Variants in CNTNAP2 observed in about 807,000 individuals in gnomAD.
CNTNAP2 encodes contactin associated protein 2.
A neutral mutation model predicts 155.2 loss-of-function variants in CNTNAP2; 98 were observed. The observed-to-expected ratio is 0.63, with a 90% CI of 0.54 to 0.75. The LOEUF is 0.75. CNTNAP2 is among the 30% of genes least tolerant of loss of function. The pLI, the probability that CNTNAP2 is intolerant of heterozygous loss-of-function variation, is 0.00. For synonymous variants in CNTNAP2, 651 were observed against 631.2 expected (o/e 1.03, Z -0.47); for missense variants, 1,727 against 1,688.1 (o/e 1.02, Z -0.40).
intron 1 of CNTNAP2, among the ~76,000 whole-genome samples, chr7:146,396,032 C>A (rs917318882): frequency 6.6e-6 from 1 of 152,080 alleles, no homozygotes; most frequent in Non-Finnish European, 1.5e-5. Flanking sequence ...GTTCTTGGCA[C>A]AGCATAAATG....
intron 13 of CNTNAP2, among the ~76,000 whole-genome samples, chr7:147,850,991 C>T (rs1415700921): frequency 1.3e-5 from 2 of 152,176 alleles, no homozygotes; most frequent in Admixed American, 6.5e-5. Context: ...AGGCAACCTA[C>T]AGAATGGGAA....
intron 1 of CNTNAP2, among the ~76,000 whole-genome samples, chr7:146,400,227 G>A (rs537515466): frequency 2.0e-5 from 3 of 151,360 alleles, no homozygotes; most frequent in African/African-American, 2.4e-5. Flanking sequence ...GTAAAATCCC[G>A]AATTTGTGCA....
chr7:148,209,663 C>T (rs1795509774), intron 18 of CNTNAP2, among the ~76,000 whole-genome samples: 1 of 152,174 alleles, frequency 6.6e-6, no homozygotes, highest in Non-Finnish European at 1.5e-5. Flanking sequence ...CAATGGTCTA[C>T]CTATATTCCC....
At chr7:146,259,083 C>T (rs537309089) in intron 1 of CNTNAP2, among the ~76,000 whole-genome samples, 12 of 152,232 alleles carry the variant, frequency 7.9e-5, no homozygotes, top group African/African-American at 2.9e-4. Context: ...GAAGTTTCCC[C>T]TGCACGCTGT....
At chr7:147,485,091 G>A (rs987116029) in intron 10 of CNTNAP2, among the ~76,000 whole-genome samples, 2 of 152,144 alleles carry the variant, frequency 1.3e-5, no homozygotes, top group East Asian at 3.9e-4. Flanking sequence ...ACAAATTTCA[G>A]CCTCACAATT....
At chr7:147,950,938 G>A (rs1270164241) in intron 14 of CNTNAP2, among the ~76,000 whole-genome samples, 1 of 152,176 alleles carries the variant, frequency 6.6e-6, no homozygotes, top group Non-Finnish European at 1.5e-5. Context: ...TAACTGCTCT[G>A]GCCCAAGCCT....
At chr7:148,044,302 G>A (rs751103875) in intron 15 of CNTNAP2, among the ~76,000 whole-genome samples, 8 of 151,066 alleles carry the variant, frequency 5.3e-5, no homozygotes, top group Non-Finnish European at 1.0e-4. Context: ...TGTTCAGTGT[G>A]CCTTTAACTG....
intron 1 of CNTNAP2, among the ~76,000 whole-genome samples, chr7:146,156,125 T>C (rs935649659): frequency 8.5e-5 from 13 of 152,166 alleles, no homozygotes; most frequent in African/African-American, 3.1e-4. Context: ...TAATTATATT[T>C]AATTAAAACC....
At chr7:147,319,832 A>AG (rs1795314224) in intron 9 of CNTNAP2, among the ~76,000 whole-genome samples, 1 of 152,192 alleles carries the variant, frequency 6.6e-6, no homozygotes, top group Admixed American at 6.5e-5. Flanking sequence ...AACTGGATGA[A>AG]GGGGCTGGTA....
chr7:147,581,502 G>A (rs1800499268), intron 12 of CNTNAP2, among the ~76,000 whole-genome samples: 1 of 152,196 alleles, frequency 6.6e-6, no homozygotes, highest in South Asian at 2.1e-4. Context: ...TACATAGCAT[G>A]GCAAAATGAG....
intron 8 of CNTNAP2, among the ~76,000 whole-genome samples, chr7:147,245,260 A>T (rs563203201): frequency 6.6e-6 from 1 of 152,274 alleles, no homozygotes; most frequent in East Asian, 1.9e-4. Flanking sequence ...TTTTCTAAAA[A>T]AATAAAAAAT....
chr7:147,965,234 C>T (rs767851135), intron 14 of CNTNAP2, among the ~76,000 whole-genome samples: 1 of 152,120 alleles, frequency 6.6e-6, no homozygotes, highest in Admixed American at 6.6e-5. Context: ...ACACATAAGG[C>T]AGTAATATTC....
At chr7:148,107,655 A>G (rs1435753302) in intron 15 of CNTNAP2, among the ~76,000 whole-genome samples, 1 of 152,216 alleles carries the variant, frequency 6.6e-6, no homozygotes, top group Non-Finnish European at 1.5e-5. Context: ...AATCTTGACA[A>G]ATAGACTCAA....
At position 147,252,840 on chromosome 7, in the gene CNTNAP2, C is replaced by G. The variant is rs529650619; in HGVS notation, c.1349-47301C>G. 1.1e-4 allele frequency among the ~76,000 whole-genome samples: 16 copies of G among 152,326 alleles called. No homozygotes were observed. The South Asian group carries it at 2.1e-3, about 20-fold the overall frequency. Reference sequence around the variant, plus strand: ...ATGATGTAGGTACAAGAATTATCCCCATTTTATAGATGATAAACCTGAGAC... The same window carrying G: ...ATGATGTAGGTACAAGAATTATCCCGATTTTATAGATGATAAACCTGAGAC... On this transcript the variant is annotated intron_variant, in intron 8 of 23. Coordinates refer to ENST00000361727, the MANE Select transcript of CNTNAP2 (RefSeq NM_014141.6).
At chr7:147,786,370 G>A (rs748033365) in intron 13 of CNTNAP2, among the ~76,000 whole-genome samples, 6 of 152,184 alleles carry the variant, frequency 3.9e-5, no homozygotes, top group Admixed American at 3.9e-4. Context: ...CAGTGAGGAG[G>A]GGGTCTGGGA....
At chr7:147,862,207 A>C (rs555051713) in intron 13 of CNTNAP2, among the ~76,000 whole-genome samples, 1 of 152,254 alleles carries the variant, frequency 6.6e-6, no homozygotes, top group African/African-American at 2.4e-5. Flanking sequence ...ATGGGTTATA[A>C]AATGCCTGAC....
intron 1 of CNTNAP2, among the ~76,000 whole-genome samples, chr7:146,359,514 T>C (rs912505984): frequency 6.6e-5 from 10 of 152,222 alleles, no homozygotes; most frequent in Non-Finnish European, 4.4e-5. Flanking sequence ...GGGAAGCCCT[T>C]GTTCACTGAC....
At chr7:147,466,662 A>G (rs1167927639) in intron 10 of CNTNAP2, among the ~76,000 whole-genome samples, 3 of 152,190 alleles carry the variant, frequency 2.0e-5, no homozygotes, top group Non-Finnish European at 4.4e-5. Context: ...CATTCCTGTA[A>G]TCCCAGCACT....
At chr7:148,253,455 T>C (rs1796406114) in intron 20 of CNTNAP2, among the ~76,000 whole-genome samples, 1 of 152,240 alleles carries the variant, frequency 6.6e-6, no homozygotes, top group African/African-American at 2.4e-5. Context: ...TATTATTCCT[T>C]CATTGTTTCA....
Sources: gnomAD v4.1 joint callset for allele counts (sites outside exome capture counted in the v4.1 genomes callset) on GRCh38, gnomAD v4.1.1 for gene constraint, MANE v1.5 for transcripts, NCBI Gene and HGNC (gene_info 2026-07-23, HGNC 2026-07-21) for gene names.